Variants in FAT3 observed in about 807,000 individuals in gnomAD.
The protein encoded by FAT3 is protocadherin Fat 3.
Under a neutral mutation model 310.2 loss-of-function variants are expected in FAT3, and 95 were observed. That is an observed-to-expected ratio of 0.31 (90% confidence interval 0.26 to 0.36). The LOEUF (loss-of-function observed/expected upper bound fraction) is 0.36. FAT3 is among the 10% of genes least tolerant of loss of function. The probability of loss-of-function intolerance (pLI) is 1.00; values close to 1 mark genes in which losing one functional copy is unlikely to be tolerated. For synonymous variants in FAT3, 2,314 were observed against 2,192.9 expected, an observed-to-expected ratio of 1.06 and a Z score of -1.54; for missense variants, 5,408 against 5,715.6, an observed-to-expected ratio of 0.95 and a Z score of 1.74.
chr11:92,475,410 G>A (rs1728296043), intron 2 of FAT3, among the ~76,000 whole-genome samples: 1 of 151,860 alleles, frequency 6.6e-6, no homozygotes, highest in African/African-American at 2.4e-5. Context: ...TATACTCTAG[G>A]ATGCTACCCT....
intron 2 of FAT3, among the ~76,000 whole-genome samples, chr11:92,448,501 A>G (rs1388160984): frequency 6.6e-6 from 1 of 152,208 alleles, no homozygotes; most frequent in Non-Finnish European, 1.5e-5. Flanking sequence ...AATCTTTAAG[A>G]TGCAAAATCT....
intron 7 of FAT3, among the ~76,000 whole-genome samples, chr11:92,784,552 G>A (rs1273335689): frequency 6.6e-6 from 1 of 152,168 alleles, no homozygotes; most frequent in Admixed American, 6.5e-5. Context: ...TTTGTGGTGG[G>A]CAGCATTGAA....
intron 1 of FAT3, among the ~76,000 whole-genome samples, chr11:92,227,649 G>A (rs1467966231): frequency 6.6e-6 from 1 of 151,968 alleles, no homozygotes; most frequent in African/African-American, 2.4e-5. Flanking sequence ...GAAGGGAGGA[G>A]GGGATGGAGG....
Position 92,883,312 on chromosome 11 carries a change from G to A in FAT3, c.12856G>A (p.Ala4286Thr), listed in dbSNP as rs764791242. 1.2e-6 allele frequency: 2 copies of A among 1,610,436 alleles called. No individual in the cohort carries two copies. Among genetic ancestry groups the A allele is most frequent in the African/African-American group, 2.7e-5 (2 of 74,874 alleles). The part of the protein sequence containing the change: ...ARRGVVVCSV[A>T]PNLPAVSPCR... ...GCGGGGCGTGGTCGTGTGCAGTGTG[G>A]CCCCCAACCTCCCCGCCGTGTCACC... The change falls in exon 24 of 28, where the codon GCC (alanine) becomes ACC (threonine). Residue 4286 changes from alanine (A) to threonine (T), a missense_variant. This residue lies in a region of FAT3 where 649 missense variants were observed against 666.2 expected (regional missense o/e 0.97). Coordinates refer to ENST00000525166, the MANE Select transcript of FAT3 (RefSeq NM_001367949.2). The surrounding 1 kb of genome is among the most constrained non-coding windows in gnomAD (Gnocchi z 4.2).
At chr11:92,504,864 T>C (rs1056161833) in intron 2 of FAT3, among the ~76,000 whole-genome samples, 3 of 152,130 alleles carry the variant, frequency 2.0e-5, no homozygotes, top group African/African-American at 4.8e-5. Context: ...AACTGCAGAA[T>C]TGTGTATTAA....
rs941270147 is a variant in FAT3, at chr11:92,350,847, G to A, written c.-17-1249G>A. Among the ~76,000 whole-genome samples, 6 of 152,150 alleles carry A rather than the reference G, an allele frequency of 3.9e-5. No homozygotes were observed. In the East Asian group the frequency reaches 5.8e-4, roughly 15 times the overall value. On this transcript the variant is annotated intron_variant, in intron 1 of 27. Coordinates refer to ENST00000525166, the MANE Select transcript of FAT3 (RefSeq NM_001367949.2). ...ATTTTCCATCTCCTCTCATCTTCACGTTCCCTGTAAAGGAAGAAAAGGAGA... is the reference window on the plus strand; with the variant it reads ...ATTTTCCATCTCCTCTCATCTTCACATTCCCTGTAAAGGAAGAAAAGGAGA...
In FAT3 at chr11:92,352,463, A is replaced by G; in HGVS notation, c.351A>G (p.Leu117=). Residue 117 remains leucine, a synonymous_variant, in exon 2 of 28, where the codon TTA becomes TTG. Coordinates refer to ENST00000525166, the MANE Select transcript of FAT3 (RefSeq NM_001367949.2). ...CTAAAGGTGGCAATTCTGCCATATT[A>G]AATAGGGAAATCCAGGATAATTATT... ...IRTKGGNSAI[L]NREIQDNYLL... 6.2e-7 allele frequency: 1 copy of G among 1,612,602 alleles called. No homozygotes were observed. The highest frequency in any genetic ancestry group is 8.5e-7 in the Non-Finnish European group (1 of 1,179,574).
chr11:92,283,081 A>G (rs1201183618), intron 1 of FAT3, among the ~76,000 whole-genome samples: 1 of 152,132 alleles, frequency 6.6e-6, no homozygotes, highest in East Asian at 1.9e-4. Context: ...CCCAAAGCCT[A>G]TGACTGTGTC....
chr11:92,675,502 T>C (rs986623937), intron 3 of FAT3, among the ~76,000 whole-genome samples: 1 of 152,214 alleles, frequency 6.6e-6, no homozygotes, highest in Non-Finnish European at 1.5e-5. Flanking sequence ...TTTGTGCAAC[T>C]GCAATGAATT....
At chr11:92,451,259 C>T (rs1053858168) in intron 2 of FAT3, among the ~76,000 whole-genome samples, 1 of 152,116 alleles carries the variant, frequency 6.6e-6, no homozygotes, top group Non-Finnish European at 1.5e-5. Flanking sequence ...TGGTGGGTCA[C>T]TCTGGTGGAG....
intron 3 of FAT3, among the ~76,000 whole-genome samples, chr11:92,533,925 G>T (rs1224789555): frequency 6.6e-6 from 1 of 152,194 alleles, no homozygotes; most frequent in Middle Eastern, 3.4e-3. Context: ...AGATGATGGA[G>T]CTGTATTTAT....
In FAT3 at chr11:92,798,113, C is replaced by T. The variant is rs1480520267; in HGVS notation, c.5100C>T (p.Thr1700=). 2.5e-6 allele frequency: 4 copies of T among 1,613,714 alleles called. No homozygotes were observed. Among genetic ancestry groups the T allele is most frequent in the Non-Finnish European group, 3.4e-6 (4 of 1,179,844 alleles). ...TAATCTCTGCCATCAGTCAATCTACCCTCATTTATGAAGTCAAAGATGGAG... is the reference window on the plus strand; with the variant it reads ...TAATCTCTGCCATCAGTCAATCTACTCTCATTTATGAAGTCAAAGATGGAG... ...VILISAISQS[T]LIYEVKDGDI... The change falls in exon 10 of 28, where the codon ACC becomes ACT. Residue 1700 remains threonine (T), a synonymous_variant. Coordinates refer to ENST00000525166, the MANE Select transcript of FAT3 (RefSeq NM_001367949.2).
At chr11:92,640,958 G>C (rs993018764) in intron 3 of FAT3, among the ~76,000 whole-genome samples, 2 of 152,144 alleles carry the variant, frequency 1.3e-5, no homozygotes, top group African/African-American at 2.4e-5. Context: ...TGCAATCCCA[G>C]CACTTTGGAA....
At chr11:92,383,129 G>C (rs1231286285) in intron 2 of FAT3, among the ~76,000 whole-genome samples, 2 of 152,108 alleles carry the variant, frequency 1.3e-5, no homozygotes, top group African/African-American at 4.8e-5. Flanking sequence ...AAGGATAATG[G>C]CTTCTAACTC....
chr11:92,641,312 C>T (rs556343104), intron 3 of FAT3, among the ~76,000 whole-genome samples: 174 of 152,302 alleles, frequency 1.1e-3, no homozygotes, highest in African/African-American at 3.9e-3. Flanking sequence ...TAAATATCTG[C>T]ATAATTATAA....
chr11:92,706,373 G>A (rs1366865836), intron 4 of FAT3, among the ~76,000 whole-genome samples: 1 of 152,068 alleles, frequency 6.6e-6, no homozygotes, highest in South Asian at 2.1e-4. Flanking sequence ...ATGGGTCTGG[G>A]TAGGTCAGTA....
chr11:92,831,882 G>A lies in FAT3; in HGVS notation c.9742G>A (p.Asp3248Asn), dbSNP rs568259714. ...RRDYLVTVPE[D>N]TSPGTQVLAV... Reference sequence around the variant, plus strand: ...GGACTACCTGGTGACGGTGCCTGAGGACACCTCCCCTGGCACCCAAGTCCT... The same window carrying A: ...GGACTACCTGGTGACGGTGCCTGAGAACACCTCCCCTGGCACCCAAGTCCT... The change falls in exon 14 of 28, where the codon GAC (aspartate) becomes AAC (asparagine). Residue 3248 changes from aspartate (D) to asparagine (N), a missense_variant. Transcript: ENST00000525166. 6.8e-6 allele frequency: 11 copies of A among 1,613,230 alleles called. No individual in the cohort carries two copies. The African/African-American group carries it at 1.5e-4, about 22-fold the overall frequency.
intron 8 of FAT3, among the ~76,000 whole-genome samples, chr11:92,790,905 C>A (rs139464052): frequency 5.5e-4 from 83 of 152,272 alleles, no homozygotes; most frequent in African/African-American, 1.9e-3. Context: ...AGAATCTCTG[C>A]GGCATTGCAC....
At chr11:92,452,933 C>T (rs146747948) in intron 2 of FAT3, among the ~76,000 whole-genome samples, 49 of 152,036 alleles carry the variant, frequency 3.2e-4, no homozygotes, top group African/African-American at 1.2e-3. Flanking sequence ...GCTGCCATAC[C>T]CAGCTAATTT....
Sources: gnomAD v4.1 joint callset for allele counts (sites outside exome capture counted in the v4.1 genomes callset) on GRCh38, gnomAD v4.1.1 for gene constraint, gnomAD v4.1.1 regional missense constraint, Gnocchi (gnomAD v3.1) non-coding constraint, MANE v1.5 for transcripts, NCBI Gene and HGNC (gene_info 2026-07-23, HGNC 2026-07-21) for gene names.